Variants in HK1 observed in about 807,000 individuals in gnomAD.
HK1 encodes the protein hexokinase 1.
A neutral mutation model predicts 91.6 loss-of-function variants in HK1; 28 were observed. The observed-to-expected ratio is 0.31, with a 90% CI of 0.23 to 0.42. The LOEUF is 0.42. Among genes scored for constraint, HK1 ranks in the 10% least tolerant of loss-of-function variants. HK1 has a pLI of 1.00. For missense variants in HK1, 770 were observed against 1,219.8 expected (o/e 0.63, Z 5.49); for synonymous variants, 430 against 468.1 (o/e 0.92, Z 1.05).
chr10:69,317,543 G>C (rs1243471429), upstream of HK1, among the ~76,000 whole-genome samples: 2 of 152,190 alleles, frequency 1.3e-5, no homozygotes, highest in Non-Finnish European at 2.9e-5. Flanking sequence ...CAAGAGCTAG[G>C]GTAGAGGTTG....
rs114176666 is a variant in HK1 at position 69,371,330 on chromosome 10, C to T, written c.875+1706C>T. 6.2e-3 allele frequency among the ~76,000 whole-genome samples: 924 copies of T among 149,970 alleles called. 12 individuals are homozygous for T. Among genetic ancestry groups the T allele is most frequent in the African/African-American group, 0.022 (895 of 40,558 alleles). On this transcript the variant is annotated intron_variant, in intron 7 of 17. Transcript: ENST00000359426. ...TTTTTTACCATACCCCCCCCCACCC[C>T]GCCCAATCCATTGACCCCACTGGCA...
chr10:69,335,692 C>G (rs1339534805), intron 1 of HK1, among the ~76,000 whole-genome samples: 1 of 152,212 alleles, frequency 6.6e-6, no homozygotes, highest in African/African-American at 2.4e-5. Flanking sequence ...GCTGTAAGGA[C>G]CAACAGGTAA....
chr10:69,305,892 A>ACAAAG (rs1846081089), intron 5 of HK1, among the ~76,000 whole-genome samples: 1 of 94,636 alleles, frequency 1.1e-5, no homozygotes, highest in Non-Finnish European at 2.5e-5. Context: ...CAACAAAAAA[A>ACAAAG]AATAAGAAAA....
intron 15 of HK1, among the ~76,000 whole-genome samples, 158 bp from the exon 16 acceptor site, chr10:69,394,792 T>C (rs1345070284): frequency 6.6e-6 from 1 of 152,080 alleles, no homozygotes; most frequent in Non-Finnish European, 1.5e-5. Flanking sequence ...TTCCTGGTCC[T>C]CCCACTCTGC....
chr10:69,317,704 A>G (rs568737313), upstream of HK1, among the ~76,000 whole-genome samples: 2 of 152,286 alleles, frequency 1.3e-5, no homozygotes, highest in African/African-American at 4.8e-5. Flanking sequence ...GTGATCCTAG[A>G]TCTACAACTT....
At chr10:69,276,035 A>G (rs1844418987) in intron 1 of HK1, among the ~76,000 whole-genome samples, 1 of 140,340 alleles carries the variant, frequency 7.1e-6, no homozygotes, top group Non-Finnish European at 1.5e-5. Context: ...GGTTGCAGTG[A>G]GCCAAGATTG....
intron 2 of HK1, among the ~76,000 whole-genome samples, chr10:69,351,465 C>T (rs182954204): frequency 4.2e-4 from 64 of 152,194 alleles, no homozygotes; most frequent in African/African-American, 1.5e-3. Context: ...GCCGAGATCG[C>T]GCCATTGCCG....
intron 3 of HK1, among the ~76,000 whole-genome samples, chr10:69,364,083 C>T (rs775456404): frequency 1.3e-5 from 2 of 152,144 alleles, no homozygotes; most frequent in African/African-American, 4.8e-5. Context: ...GGGTGATAGA[C>T]GTCGGGGTGG....
intron 5 of HK1, among the ~76,000 whole-genome samples, chr10:69,307,994 C>T (rs1163888039): frequency 6.6e-6 from 1 of 151,952 alleles, no homozygotes. Context: ...GCACACCACA[C>T]GCCCAGCTAA....
chr10:69,372,877 G>A (rs1245055735), intron 7 of HK1, among the ~76,000 whole-genome samples: 5 of 151,802 alleles, frequency 3.3e-5, no homozygotes, highest in Non-Finnish European at 2.9e-5. Flanking sequence ...TGTTGTTGTT[G>A]TTTTGTTTTT....
chr10:69,329,649 G>T lies in HK1; in HGVS notation c.63+10639G>T, dbSNP rs182659374. Among the ~76,000 whole-genome samples, 250 of 152,234 alleles carry T rather than the reference G, an allele frequency of 1.6e-3. 1 individual carries two copies. The highest frequency in any genetic ancestry group is 5.4e-3 in the African/African-American group (225 of 41,534). On this transcript the variant is annotated intron_variant, in intron 1 of 17. Coordinates refer to ENST00000359426, the MANE Select transcript of HK1 (RefSeq NM_000188.3). ...GAATGACAGGGATAGGAACACTACTGCTGGTCCCCTGATTCAGAAATCCAT... is the reference window on the plus strand; with the variant it reads ...GAATGACAGGGATAGGAACACTACTTCTGGTCCCCTGATTCAGAAATCCAT...
In HK1 at chr10:69,380,159, G is replaced by A; in HGVS notation, c.1265+64G>A. 2.2e-6 allele frequency: 3 copies of A among 1,352,240 alleles called. 1 individual carries two copies. The South Asian group carries it at 3.5e-5, about 16-fold the overall frequency. 83.8% of individuals were successfully genotyped at this position (1,352,240 alleles called of 1,614,324 possible). On this transcript the variant is annotated intron_variant, in intron 9 of 17. Coordinates refer to ENST00000359426, the MANE Select transcript of HK1 (RefSeq NM_000188.3). The surrounding 1 kb of genome is among the most constrained non-coding windows in gnomAD (Gnocchi z 4.0). Reference sequence around the variant, plus strand: ...ATTGTGGGTAGGGACCTTCTCCAGAGATCAGACTTTTGTACCCGGTAAACG... The same window carrying A: ...ATTGTGGGTAGGGACCTTCTCCAGAAATCAGACTTTTGTACCCGGTAAACG...
intron 3 of HK1, among the ~76,000 whole-genome samples, chr10:69,292,645 G>A (rs1018695660): frequency 6.6e-6 from 1 of 152,142 alleles, no homozygotes; most frequent in African/African-American, 2.4e-5. Flanking sequence ...TCTGGGTCTG[G>A]GCACTAAGAT....
At chr10:69,317,940 C>T (rs1846733721), upstream of HK1, 1 of 593,736 alleles carries the variant, frequency 1.7e-6, no homozygotes, top group African/African-American at 2.0e-5. Flanking sequence ...TCCTACGTAA[C>T]TTCCTCTGGG....
chr10:69,288,903 C>T, intron 3 of HK1: 2 of 748,998 alleles, frequency 2.7e-6, no homozygotes, highest in South Asian at 2.9e-5. Flanking sequence ...TCTCCTGCCT[C>T]AGCCTCCCAG....
At chr10:69,319,357 G>A (rs1846872201) in intron 1 of HK1, among the ~76,000 whole-genome samples, 1 of 152,262 alleles carries the variant, frequency 6.6e-6, no homozygotes, top group African/African-American at 2.4e-5. Flanking sequence ...GGGTCCGAGC[G>A]CCGTGGGAGG....
Position 69,304,304 on chromosome 10 carries a change from T to G in HK1, c.27+3443T>G, listed in dbSNP as rs943518837. Among the ~76,000 whole-genome samples the G allele has an allele frequency of 7.3e-5, 11 of 150,384 alleles. No homozygotes were observed. The South Asian group carries it at 1.3e-3, about 17-fold the overall frequency. On this transcript the variant is annotated intron_variant, in intron 5 of 21. Transcript: ENST00000360289. ...TTTATTTATTTATTTATTTATTTAT[T>G]TATTTATTTATTTATTTTTGGGGGA...
At chr10:69,315,378 C>T (rs59965651), upstream of HK1, among the ~76,000 whole-genome samples, 3,110 of 152,184 alleles carry the variant, frequency 0.02, 106 homozygotes, top group African/African-American at 0.069. Flanking sequence ...TAAGCAGGTG[C>T]GTTTCCTGGG....
At chr10:69,295,959 T>C (rs1845543729) in intron 4 of HK1, among the ~76,000 whole-genome samples, 1 of 152,100 alleles carries the variant, frequency 6.6e-6, no homozygotes. Context: ...CACAAGGCCT[T>C]CCTGCCTTGG....
Sources: gnomAD v4.1 joint callset for allele counts (sites outside exome capture counted in the v4.1 genomes callset) on GRCh38, gnomAD v4.1.1 for gene constraint, Gnocchi (gnomAD v3.1) non-coding constraint, MANE v1.5 for transcripts, NCBI Gene and HGNC (gene_info 2026-07-23, HGNC 2026-07-21) for gene names.